The following UBAP2 variants were observed in gnomAD, a reference collection of about 807,000 sequenced individuals.
UBAP2 encodes the protein ubiquitin-associated protein 2.
UBAP2 carries 75 observed loss-of-function variants against 139.6 expected under a neutral mutation model. The ratio of observed to expected loss-of-function variants is 0.54; its 90% CI spans 0.45 to 0.65. The LOEUF is 0.65. UBAP2 is among the 30% of genes least tolerant of loss of function. The pLI, the probability that UBAP2 is intolerant of heterozygous loss-of-function variation, is 0.00. For missense variants in UBAP2, 1,368 were observed against 1,369.6 expected, an observed-to-expected ratio of 1.00 and a Z score of 0.02; for synonymous variants, 526 against 526.2, an observed-to-expected ratio of 1.00 and a Z score of 0.01.
At chr9:33,962,552 A>G (rs757256497) in intron 9 of UBAP2, among the ~76,000 whole-genome samples, 4 of 152,094 alleles carry the variant, frequency 2.6e-5, no homozygotes, top group Non-Finnish European at 5.9e-5. Context: ...AGGCTGAGGC[A>G]GGAGAATCGT....
chr9:33,935,960 T>C (rs1229153922), intron 16 of UBAP2, 82 bp from the exon 17 acceptor site: 4 of 1,255,432 alleles, frequency 3.2e-6, no homozygotes, highest in Non-Finnish European at 4.5e-6. Flanking sequence ...TTCTACAACA[T>C]GTAGCTTAAT....
At chr9:34,039,640 A>G (rs1242980755) in intron 1 of UBAP2, among the ~76,000 whole-genome samples, 1 of 151,976 alleles carries the variant, frequency 6.6e-6, no homozygotes, top group African/African-American at 2.4e-5. Context: ...TGTTAAACAG[A>G]TGCTTGAAGG....
At chr9:34,044,960 C>A (rs1473778173) in intron 1 of UBAP2, among the ~76,000 whole-genome samples, 1 of 151,362 alleles carries the variant, frequency 6.6e-6, no homozygotes, top group African/African-American at 2.4e-5. Context: ...TACTTCAAAT[C>A]CAAATAGTTA....
intron 17 of UBAP2, chr9:33,935,617 T>G: frequency 1.7e-6 from 1 of 596,532 alleles, no homozygotes; most frequent in Non-Finnish European, 3.0e-6. Context: ...TGCAGTCTGA[T>G]TAGGGCAGAA....
chr9:33,929,484 C>G (rs1823771931), intron 19 of UBAP2, among the ~76,000 whole-genome samples: 1 of 152,080 alleles, frequency 6.6e-6, no homozygotes, highest in Non-Finnish European at 1.5e-5. Flanking sequence ...AGGACAGGCC[C>G]AGAGAAGTAA....
At chr9:33,967,052 C>T (rs560127142) in intron 8 of UBAP2, among the ~76,000 whole-genome samples, 2 of 152,014 alleles carry the variant, frequency 1.3e-5, no homozygotes, top group Non-Finnish European at 2.9e-5. Context: ...TTTATTTTCT[C>T]TCAATATTGT....
intron 12 of UBAP2, among the ~76,000 whole-genome samples, chr9:33,951,573 C>T (rs1044343462): frequency 5.3e-5 from 8 of 151,952 alleles, no homozygotes; most frequent in Non-Finnish European, 8.8e-5. Flanking sequence ...TCTCAAACTC[C>T]TGACCTCAGG....
At position 34,008,961 on chromosome 9, in the gene UBAP2, CAAAAAAAAAAAAA is replaced by C. The variant is rs773189067; in HGVS notation, c.99+8076_99+8088del. On this transcript the variant is annotated intron_variant, in intron 2 of 28. Transcript: ENST00000379238. ...GCCTGGCGACACAGCGAGACTGTCTCAAAAAAAAAAAAAAAAAAAAAAAAAAGTTAACATTTAG... is the reference window on the plus strand; with the variant it reads ...GCCTGGCGACACAGCGAGACTGTCTCAAAAAAAAAAAAAGTTAACATTTAG... 1.4e-4 allele frequency among the ~76,000 whole-genome samples: 9 copies of C among 65,710 alleles called. No homozygotes were observed. In the South Asian group the frequency reaches 3.7e-3, roughly 27 times the overall value. 43.1% of individuals were successfully genotyped at this position (65,710 alleles called of 152,430 possible). A position where few individuals can be genotyped will look rare whatever the true frequency, so the allele number is the denominator to read the frequency against.
intron 6 of UBAP2, among the ~76,000 whole-genome samples, chr9:33,977,044 T>TTA (rs200191509): frequency 0.07 from 9,909 of 142,256 alleles, 504 homozygotes; most frequent in Non-Finnish European, 0.11. Flanking sequence ...TTTTATTTAT[T>TTA]TTTTTTTTTT....
At chr9:34,039,053 C>T (rs1438757656) in intron 1 of UBAP2, among the ~76,000 whole-genome samples, 1 of 150,806 alleles carries the variant, frequency 6.6e-6, no homozygotes, top group East Asian at 2.0e-4. Flanking sequence ...GCAGCCGCCC[C>T]GTCTGGGAAG....
chr9:33,933,714 G>A, intron 17 of UBAP2, 86 bp from the exon 18 acceptor site: 5 of 1,548,410 alleles, frequency 3.2e-6, no homozygotes, highest in African/African-American at 1.4e-5. Context: ...TCAATATCTT[G>A]TGACATGTCA....
At chr9:33,949,140 C>T (rs1321169545) in intron 12 of UBAP2, among the ~76,000 whole-genome samples, 1 of 149,212 alleles carries the variant, frequency 6.7e-6, no homozygotes, top group Non-Finnish European at 1.5e-5. Flanking sequence ...GCACTACAGC[C>T]TGGGCGACAG....
At chr9:33,962,103 C>T (rs923626655) in intron 9 of UBAP2, among the ~76,000 whole-genome samples, 2 of 151,540 alleles carry the variant, frequency 1.3e-5, no homozygotes, top group Non-Finnish European at 2.9e-5. Context: ...AGCTTGATGG[C>T]GAAGATAAAC....
At chr9:33,965,088 CTTT>C (rs774890459) in intron 8 of UBAP2, among the ~76,000 whole-genome samples, 1 of 152,176 alleles carries the variant, frequency 6.6e-6, no homozygotes, top group African/African-American at 2.4e-5. Flanking sequence ...TTTTAATTAA[CTTT>C]TTATCTTAAA....
intron 4 of UBAP2, among the ~76,000 whole-genome samples, chr9:33,989,402 C>T (rs1187378578): frequency 2.0e-5 from 3 of 152,116 alleles, no homozygotes; most frequent in East Asian, 1.9e-4. Context: ...GGGGTTTCAT[C>T]GTGTTAGCCA....
At chr9:33,924,050 A>G in intron 23 of UBAP2, 50 bp from the exon 24 acceptor site, 2 of 1,606,860 alleles carry the variant, frequency 1.2e-6, no homozygotes, top group Non-Finnish European at 1.7e-6. Context: ...AACCAGAGAA[A>G]GGCCACACTG....
intron 1 of UBAP2, among the ~76,000 whole-genome samples, chr9:34,046,012 A>C (rs1449132751): frequency 6.6e-6 from 1 of 152,196 alleles, no homozygotes; most frequent in Non-Finnish European, 1.5e-5. Context: ...TGGGTACCAT[A>C]ACACTTAGCT....
At chr9:34,028,362 T>TTATTTATTTATC (rs781040054) in intron 1 of UBAP2, among the ~76,000 whole-genome samples, 1 of 6,716 alleles carries the variant, frequency 1.5e-4, no homozygotes, top group Non-Finnish European at 3.5e-4. Context: ...AAACCCTGTC[T>TTATTTATTTATC]TATTTATTTA....
In UBAP2 at chr9:33,948,364, G is replaced by A. The variant is rs1373973657; in HGVS notation, c.1270+10C>T. On this transcript the variant is annotated intron_variant, in intron 13 of 28. Coordinates refer to ENST00000379238, the MANE Select transcript of UBAP2 (RefSeq NM_001370062.2). ...CAGTAGGGGCAAACCCACAAACAAT[G>A]TATACCTACCAAGATGACTGAGGAC... 4 of 1,599,940 alleles carry A rather than the reference G, an allele frequency of 2.5e-6. No individual in the cohort carries two copies. The Admixed American group carries it at 5.1e-5, about 20-fold the overall frequency.
Sources: gnomAD v4.1 joint callset for allele counts (sites outside exome capture counted in the v4.1 genomes callset) on GRCh38, gnomAD v4.1.1 for gene constraint, MANE v1.5 for transcripts, NCBI Gene and HGNC (gene_info 2026-07-23, HGNC 2026-07-21) for gene names.